Variants in PDE1C observed in about 807,000 individuals in gnomAD.
The protein encoded by PDE1C is phosphodiesterase 1C, also known as dual specificity calcium/calmodulin-dependent 3',5'-cyclic nucleotide phosphodiesterase 1C.
A neutral mutation model predicts 93.1 loss-of-function variants in PDE1C; 62 were observed. The observed-to-expected ratio is 0.67, with a 90% confidence interval of 0.54 to 0.82. The LOEUF (loss-of-function observed/expected upper bound fraction) is 0.82. Ranked by LOEUF, PDE1C falls within the 40% of genes least tolerant of loss-of-function variation. The pLI is 0.00. For synonymous variants in PDE1C, 325 were observed against 310.1 expected (o/e 1.05, Z -0.50); for missense variants, 742 against 884.6 (o/e 0.84, Z 2.04).
At position 31,821,605 on chromosome 7, in the gene PDE1C, C is replaced by A. The variant is rs79051438; in HGVS notation, c.1582+1468G>T. On this transcript the variant is annotated intron_variant, in intron 14 of 17. Coordinates refer to ENST00000396191, the MANE Select transcript of PDE1C (RefSeq NM_001191057.4). ...CATTTGAATGGACTAGGAGAGGGTG[C>A]ACTTAAAATATGGAAGGTGTTGGCT... 3.3e-3 allele frequency among the ~76,000 whole-genome samples: 501 copies of A among 151,950 alleles called. 1 individual carries two copies. Among genetic ancestry groups the A allele is most frequent in the African/African-American group, 0.011 (469 of 41,332 alleles).
At chr7:31,665,715 C>T in the PDE1C span, among the ~76,000 whole-genome samples, 6 of 152,126 alleles carry the variant, frequency 3.9e-5, no homozygotes, top group Non-Finnish European at 7.4e-5. Flanking sequence ...ACTTCTTCTA[C>T]CCTTTTGGCG....
At chr7:31,825,592 A>G (rs1789549266) in intron 12 of PDE1C, among the ~76,000 whole-genome samples, 1 of 152,142 alleles carries the variant, frequency 6.6e-6, no homozygotes, top group Non-Finnish European at 1.5e-5. Context: ...GAGTTTTTAA[A>G]TGTTCTTTGG....
chr7:31,637,888 T>C, the PDE1C span, among the ~76,000 whole-genome samples: 1 of 152,236 alleles, frequency 6.6e-6, no homozygotes, highest in Non-Finnish European at 1.5e-5. Context: ...TGTAAGTCTT[T>C]AATCCATCTT....
intron 1 of PDE1C, among the ~76,000 whole-genome samples, chr7:32,262,005 ATTTTTTTTTTTT>A (rs11325736): frequency 1.1e-5 from 1 of 89,778 alleles, no homozygotes; most frequent in African/African-American, 4.1e-5. Context: ...TTGCTTTGGG[ATTTTTTTTTTTT>A]TTTTTTTTTT....
At chr7:31,696,501 G>C in the PDE1C span, among the ~76,000 whole-genome samples, 1 of 152,188 alleles carries the variant, frequency 6.6e-6, no homozygotes, top group East Asian at 1.9e-4. Context: ...AAATTTCACT[G>C]TAGCATAGAG....
intron 2 of PDE1C, among the ~76,000 whole-genome samples, chr7:32,005,219 G>A (rs1786034254): frequency 6.6e-6 from 1 of 152,060 alleles, no homozygotes; most frequent in African/African-American, 2.4e-5. Context: ...TTTATCAAGT[G>A]CCCACTCACA....
At chr7:31,770,805 C>T (rs2128622640) in intron 17 of PDE1C, among the ~76,000 whole-genome samples, 1 of 152,260 alleles carries the variant, frequency 6.6e-6, no homozygotes, top group Non-Finnish European at 1.5e-5. Flanking sequence ...CCGTTTCCTT[C>T]TAAGATTTTT....
intron 2 of PDE1C, among the ~76,000 whole-genome samples, chr7:31,947,060 C>T (rs1007472308): frequency 7.9e-5 from 12 of 152,170 alleles, no homozygotes; most frequent in African/African-American, 2.2e-4. Context: ...GTTTTTGTCT[C>T]ACTTCTTGAC....
chr7:31,662,609 A>C, the PDE1C span, among the ~76,000 whole-genome samples: 4 of 152,174 alleles, frequency 2.6e-5, no homozygotes, highest in Non-Finnish European at 4.4e-5. Context: ...GTGTAGACGT[A>C]TGTGACTGTG....
At chr7:32,238,353 A>T (rs1808288599) in intron 1 of PDE1C, among the ~76,000 whole-genome samples, 1 of 152,254 alleles carries the variant, frequency 6.6e-6, no homozygotes, top group South Asian at 2.1e-4. Flanking sequence ...AAAGAAGATC[A>T]GATATTGATC....
At chr7:31,734,822 G>A in the PDE1C span, among the ~76,000 whole-genome samples, 1 of 152,138 alleles carries the variant, frequency 6.6e-6, no homozygotes, top group African/African-American at 2.4e-5. Flanking sequence ...TTTTTCATAT[G>A]GCTGCCAAGT....
At position 31,790,282 on chromosome 7, in the gene PDE1C, G is replaced by C. The variant is rs190056526; in HGVS notation, c.1892-14550C>G. On this transcript the variant is annotated intron_variant, in intron 16 of 17. Coordinates refer to ENST00000396191, the MANE Select transcript of PDE1C (RefSeq NM_001191057.4). ...AATCTGAAAAAAAGAAAAAGAAAAAGAAAAGTGTCAATGCTGCCTTTCCCC... is the reference window on the plus strand; with the variant it reads ...AATCTGAAAAAAAGAAAAAGAAAAACAAAAGTGTCAATGCTGCCTTTCCCC... 6.6e-4 allele frequency: 1,054 copies of C among 1,605,488 alleles called. 8 individuals are homozygous for C. Among genetic ancestry groups the C allele is most frequent in the Non-Finnish European group, 3.2e-5 (38 of 1,174,136 alleles).
At chr7:32,046,044 T>C (rs998555009) in intron 2 of PDE1C, among the ~76,000 whole-genome samples, 3 of 152,138 alleles carry the variant, frequency 2.0e-5, no homozygotes, top group Non-Finnish European at 2.9e-5. Context: ...AAATAACACA[T>C]TAGACATTCA....
intron 1 of PDE1C, among the ~76,000 whole-genome samples, chr7:32,345,073 T>G (rs1054635548): frequency 2.6e-5 from 4 of 152,140 alleles, no homozygotes; most frequent in Non-Finnish European, 5.9e-5. Context: ...CCTCAAACCA[T>G]GCCCCTTCTG....
chr7:32,140,994 T>C (rs775171651), intron 3 of PDE1C, among the ~76,000 whole-genome samples: 3 of 152,286 alleles, frequency 2.0e-5, no homozygotes, highest in Non-Finnish European at 4.4e-5. Context: ...CTCATTTGGT[T>C]GCCAGGGAAA....
the PDE1C span, chr7:31,643,223 G>A: frequency 6.2e-6 from 10 of 1,613,778 alleles, no homozygotes; most frequent in African/African-American, 4.0e-5. Flanking sequence ...GAGGCCCCAC[G>A]AGAAGAGGAA....
chr7:32,140,487 A>C (rs909962105), intron 3 of PDE1C, among the ~76,000 whole-genome samples: 2 of 152,238 alleles, frequency 1.3e-5, no homozygotes, highest in Admixed American at 6.5e-5. Flanking sequence ...AGATGATCTC[A>C]TCCAACTATG....
At chr7:31,800,947 C>A in intron 16 of PDE1C, among the ~76,000 whole-genome samples, 1 of 150,806 alleles carries the variant, frequency 6.6e-6, no homozygotes, top group African/African-American at 2.4e-5. Context: ...GTATTTTGAG[C>A]TGAATGTGAA....
intron 17 of PDE1C, among the ~76,000 whole-genome samples, chr7:31,774,824 G>A (rs1233054915): frequency 6.6e-6 from 1 of 152,178 alleles, no homozygotes; most frequent in Admixed American, 6.5e-5. Flanking sequence ...ACAGGAAGGA[G>A]AGGTAATCTT....
Sources: allele counts gnomAD v4.1 joint callset (sites outside exome capture counted in the v4.1 genomes callset), GRCh38; gene constraint gnomAD v4.1.1; transcripts MANE v1.5; gene names NCBI Gene and HGNC (gene_info 2026-07-23, HGNC 2026-07-21).